CLIC5: variants seen among roughly 807,000 people sequenced by gnomAD.
CLIC5 encodes the protein CLIC family member 5.
CLIC5 carries 20 observed loss-of-function variants against 24.7 expected under a neutral mutation model. That is an observed-to-expected ratio of 0.81 (90% CI 0.57 to 1.18). The LOEUF is 1.18. Among genes scored for constraint, CLIC5 ranks in the 50% most tolerant of loss-of-function variants. CLIC5 has a pLI of 0.00. For missense variants in CLIC5, 341 were observed against 326.1 expected (o/e 1.05, Z -0.35); for synonymous variants, 159 against 135.6 (o/e 1.17, Z -1.20).
chr6:46,037,769 C>T (rs1360041354), intron 1 of CLIC5, among the ~76,000 whole-genome samples: 3 of 152,106 alleles, frequency 2.0e-5, no homozygotes, highest in African/African-American at 7.2e-5. Context: ...TCATTCATTC[C>T]TTACCTATCT....
intron 1 of CLIC5, among the ~76,000 whole-genome samples, chr6:46,062,215 G>T (rs1170525160): frequency 6.6e-6 from 1 of 152,288 alleles, no homozygotes; most frequent in Admixed American, 6.5e-5. Flanking sequence ...AAATATAAAA[G>T]ATTACTCACC....
intron 1 of CLIC5, among the ~76,000 whole-genome samples, chr6:45,971,793 C>T (rs1164165932): frequency 1.3e-5 from 2 of 152,108 alleles, no homozygotes; most frequent in African/African-American, 4.8e-5. Flanking sequence ...ATAAAGTCAA[C>T]CTTAGATGCA....
chr6:46,106,693 CTA>C, the CLIC5 span, among the ~76,000 whole-genome samples: 2 of 152,160 alleles, frequency 1.3e-5, no homozygotes, highest in South Asian at 4.1e-4. Flanking sequence ...TTATGAAATC[CTA>C]TGATTTTATG....
the CLIC5 span, among the ~76,000 whole-genome samples, chr6:46,103,132 A>G: frequency 6.6e-6 from 1 of 152,176 alleles, no homozygotes; most frequent in African/African-American, 2.4e-5. Context: ...ACTTGAAGAG[A>G]TTAACTAATT....
At chr6:45,961,651 A>AT (rs201684338) in intron 1 of CLIC5, among the ~76,000 whole-genome samples, 1,687 of 149,990 alleles carry the variant, frequency 0.011, 33 homozygotes, top group East Asian at 0.086. Flanking sequence ...AGTTGTGACT[A>AT]TTTTTTTTTT....
the CLIC5 span, among the ~76,000 whole-genome samples, chr6:46,119,254 G>C: frequency 1.3e-5 from 2 of 152,198 alleles, no homozygotes; most frequent in African/African-American, 4.8e-5. Flanking sequence ...TCAAACACCA[G>C]CTCATCCTGA....
At chr6:45,975,022 T>C (rs1765340632) in intron 1 of CLIC5, among the ~76,000 whole-genome samples, 1 of 152,252 alleles carries the variant, frequency 6.6e-6, no homozygotes, top group Non-Finnish European at 1.5e-5. Flanking sequence ...TAGACCTATA[T>C]ATTTCTTTAA....
At chr6:45,987,490 G>C (rs982589278) in intron 1 of CLIC5, among the ~76,000 whole-genome samples, 1 of 152,226 alleles carries the variant, frequency 6.6e-6, no homozygotes, top group African/African-American at 2.4e-5. Flanking sequence ...GGAACTATAA[G>C]ATAGATTTTT....
At chr6:45,912,165 T>A in intron 5 of CLIC5, 3 of 986,456 alleles carry the variant, frequency 3.0e-6, no homozygotes, top group Non-Finnish European at 3.6e-6. Context: ...GAAGCCAAAC[T>A]GGAGGCCTGA....
At chr6:45,968,847 A>G (rs1297045644) in intron 1 of CLIC5, among the ~76,000 whole-genome samples, 1 of 152,202 alleles carries the variant, frequency 6.6e-6, no homozygotes, top group African/African-American at 2.4e-5. Context: ...TTCCCTGGGT[A>G]GCCCTTTAAG....
chr6:46,051,063 T>A (rs62400497), intron 1 of CLIC5, among the ~76,000 whole-genome samples: 1,903 of 152,282 alleles, frequency 0.012, 17 homozygotes, highest in Non-Finnish European at 0.019. Context: ...GCCTTAGTCA[T>A]CAACAGTGGC....
At chr6:46,113,365 C>G in the CLIC5 span, among the ~76,000 whole-genome samples, 3 of 151,924 alleles carry the variant, frequency 2.0e-5, no homozygotes, top group Non-Finnish European at 4.4e-5. Flanking sequence ...GAGTAGGGTT[C>G]GGGAAGAAGG....
chr6:45,903,206 C>A lies in CLIC5; in HGVS notation c.638G>T (p.Gly213Val). The change falls in exon 6 of 6, where the codon GGC becomes GTC. Residue 213 changes from glycine to valine, a missense_variant. Coordinates refer to ENST00000339561, the MANE Select transcript of CLIC5 (RefSeq NM_016929.5). ...GGCGTTCTTGAGGTACCGCCACAGG[C>A]CTGTCATCTCAGCCGGGATATCATA... ...RNYDIPAEMT[G>V]LWRYLKNAYA... 1 of 1,612,170 alleles carries A rather than the reference C, an allele frequency of 6.2e-7. No individual in the cohort carries two copies. Among genetic ancestry groups the A allele is most frequent in the African/African-American group, 1.3e-5 (1 of 74,956 alleles).
intron 5 of CLIC5, among the ~76,000 whole-genome samples, chr6:45,913,125 A>C (rs1309228785): frequency 1.3e-5 from 2 of 152,240 alleles, no homozygotes; most frequent in African/African-American, 4.8e-5. Flanking sequence ...AAAGACTTAC[A>C]CCAGGTGATC....
At chr6:45,933,966 C>T (rs542617216) in intron 4 of CLIC5, among the ~76,000 whole-genome samples, 1 of 152,324 alleles carries the variant, frequency 6.6e-6, no homozygotes, top group East Asian at 1.9e-4. Context: ...GAGTCTACAG[C>T]AGCCTGAAAG....
chr6:45,894,549 A>C (rs1032272971), downstream of CLIC5, among the ~76,000 whole-genome samples: 3 of 152,270 alleles, frequency 2.0e-5, no homozygotes, highest in African/African-American at 7.2e-5. Context: ...AATCCCATTA[A>C]CAAACTGTAT....
At chr6:45,941,927 T>C (rs1045504063) in intron 3 of CLIC5, among the ~76,000 whole-genome samples, 2 of 152,132 alleles carry the variant, frequency 1.3e-5, no homozygotes, top group African/African-American at 4.8e-5. Context: ...TCTCAGGATG[T>C]GTCCTTTTCT....
intron 4 of CLIC5, among the ~76,000 whole-genome samples, chr6:45,939,217 C>CTTTTTTTT (rs34976541): frequency 2.6e-5 from 3 of 115,782 alleles, no homozygotes; most frequent in African/African-American, 3.7e-5. Flanking sequence ...CTCCTCTCCT[C>CTTTTTTTT]TTTTTTTTTT....
chr6:45,958,447 T>TACTCACACACACACACACACACACACAC, intron 1 of CLIC5, among the ~76,000 whole-genome samples: 1 of 72,274 alleles, frequency 1.4e-5, no homozygotes, highest in African/African-American at 5.0e-5. Flanking sequence ...TATATATATA[T>TACTCACACACACACACACACACACACAC]ATATATATAT....
Sources: allele counts gnomAD v4.1 joint callset (sites outside exome capture counted in the v4.1 genomes callset), GRCh38; gene constraint gnomAD v4.1.1; transcripts MANE v1.5; gene names NCBI Gene and HGNC (gene_info 2026-07-23, HGNC 2026-07-21).